Variants in MTMR10 observed in about 807,000 individuals in gnomAD.
The protein encoded by MTMR10 is myotubularin related protein 10, also known as myotubularin-related protein 10.
Under a neutral mutation model 88.1 loss-of-function variants are expected in MTMR10, and 56 were observed. That is an observed-to-expected ratio of 0.64 (90% CI 0.51 to 0.79). The LOEUF is 0.79. Ranked by LOEUF, MTMR10 falls within the 30% of genes least tolerant of loss-of-function variation. The pLI is 0.00. For missense variants in MTMR10, 883 were observed against 924.7 expected, an observed-to-expected ratio of 0.95 and a Z score of 0.58; for synonymous variants, 380 against 340.9, an observed-to-expected ratio of 1.11 and a Z score of -1.26.
At chr15:30,927,340 T>A in the MTMR10 span, 1 of 985,540 alleles carries the variant, frequency 1.0e-6, no homozygotes, top group Non-Finnish European at 1.2e-6. Flanking sequence ...GGAAAGAGCA[T>A]GAAGTGTTCT....
chr15:30,932,656 C>CA, the MTMR10 span, among the ~76,000 whole-genome samples: 1 of 151,572 alleles, frequency 6.6e-6, no homozygotes. Context: ...TTGTGTCTTT[C>CA]AAGGAATTTG....
chr15:30,931,921 GA>G, the MTMR10 span, among the ~76,000 whole-genome samples: 10 of 147,468 alleles, frequency 6.8e-5, no homozygotes, highest in Admixed American at 6.7e-5. Context: ...AAGTTTCCAA[GA>G]AAAAAAAAAG....
At chr15:30,953,023 C>T (rs1229450572) in intron 11 of MTMR10, among the ~76,000 whole-genome samples, 1 of 152,164 alleles carries the variant, frequency 6.6e-6, no homozygotes, top group African/African-American at 2.4e-5. Flanking sequence ...CTCCTGACCT[C>T]AGGTGAGCCA....
chr15:30,958,599 T>C (rs547654476), intron 9 of MTMR10, among the ~76,000 whole-genome samples: 2 of 152,342 alleles, frequency 1.3e-5, no homozygotes, highest in African/African-American at 4.8e-5. Flanking sequence ...AAGTATGTTA[T>C]AGGAAATGCT....
At chr15:30,970,914 A>G (rs1162411737) in intron 5 of MTMR10, among the ~76,000 whole-genome samples, 1 of 152,186 alleles carries the variant, frequency 6.6e-6, no homozygotes, top group Non-Finnish European at 1.5e-5. Context: ...GGGGTGGCAG[A>G]ACTCGAACTA....
intron 10 of MTMR10, among the ~76,000 whole-genome samples, chr15:30,954,430 A>G (rs898351243): frequency 1.3e-5 from 2 of 152,174 alleles, no homozygotes; most frequent in South Asian, 4.1e-4. Context: ...TCAAAGTATA[A>G]CTGTATGTAT....
chr15:30,991,436 G>A lies in MTMR10; in HGVS notation c.60+11C>T, dbSNP rs528911117. The A allele has an allele frequency of 3.4e-6, 5 of 1,487,622 alleles. No individual in the cohort carries two copies. The South Asian group carries it at 5.4e-5, about 16-fold the overall frequency. 92.2% of individuals were successfully genotyped at this position (1,487,622 alleles called of 1,614,324 possible). A position where few individuals can be genotyped will look rare whatever the true frequency, so the allele number is the denominator to read the frequency against. ...AGGAGAGTCGGGCGCTCGCGGGGAG[G>A]GGTTGTTTACCTGGGGCGGTGGCAG... is the stretch of plus-strand genomic sequence containing the variant. On this transcript the variant is annotated intron_variant, in intron 1 of 15. Transcript: ENST00000435680.
At chr15:30,959,343 G>C (rs1004789736) in intron 7 of MTMR10, among the ~76,000 whole-genome samples, 1 of 152,174 alleles carries the variant, frequency 6.6e-6, no homozygotes, top group Non-Finnish European at 1.5e-5. Flanking sequence ...TATAGCATGA[G>C]AAAATTCCAA....
At chr15:30,989,006 AT>A (rs751994135) in intron 2 of MTMR10, among the ~76,000 whole-genome samples, 1 of 150,790 alleles carries the variant, frequency 6.6e-6, no homozygotes, top group Non-Finnish European at 1.5e-5. Flanking sequence ...AAAAAAAAAA[AT>A]TTAAAAAAAA....
rs549980104 is a variant in MTMR10 at position 30,947,279 on chromosome 15, A to G, written c.1399T>C (p.Leu467=). ...EKESPLFLLF[L]DATWQLLEQY... ...TCTAACAGCTGCCAGGTGGCATCCA[A>G]GAATAGCAAAAATAAAGGAGACTGG... The change falls in exon 14 of 16, where the codon TTG becomes CTG. Residue 467 remains leucine, a synonymous_variant. Transcript: ENST00000435680. The G allele has an allele frequency of 7.9e-5, 127 of 1,613,514 alleles. 1 individual carries two copies. In the South Asian group the frequency reaches 1.2e-3, roughly 16 times the overall value.
chr15:30,987,003 ACT>A (rs2030980729), intron 2 of MTMR10, among the ~76,000 whole-genome samples: 2 of 152,216 alleles, frequency 1.3e-5, no homozygotes, highest in Non-Finnish European at 2.9e-5. Context: ...TAAAAGTCAA[ACT>A]CAGTTTTCAA....
At chr15:30,968,636 C>T (rs2063501499) in intron 5 of MTMR10, among the ~76,000 whole-genome samples, 1 of 151,636 alleles carries the variant, frequency 6.6e-6, no homozygotes, top group Non-Finnish European at 1.5e-5. Flanking sequence ...AACGTGCGGG[C>T]TTTAGAATCA....
chr15:30,930,763 C>T, the MTMR10 span: 1 of 1,482,704 alleles, frequency 6.7e-7, no homozygotes, highest in South Asian at 1.2e-5. Flanking sequence ...TGGCTGTTGG[C>T]AAGATTGAAT....
At chr15:30,928,141 C>T in the MTMR10 span, 3 of 1,011,870 alleles carry the variant, frequency 3.0e-6, no homozygotes, top group South Asian at 4.0e-5. Flanking sequence ...TCAGGGGTGG[C>T]CCAGGGACCT....
At chr15:30,976,414 A>C (rs2030155899) in intron 3 of MTMR10, among the ~76,000 whole-genome samples, 1 of 152,174 alleles carries the variant, frequency 6.6e-6, no homozygotes, top group Non-Finnish European at 1.5e-5. Context: ...CAGGCTCAAA[A>C]CAAAAAAATC....
chr15:30,937,979 A>T (rs1158766313), downstream of MTMR10, among the ~76,000 whole-genome samples: 3 of 151,682 alleles, frequency 2.0e-5, no homozygotes, highest in East Asian at 5.9e-4. Context: ...AGGTCAAGAG[A>T]TCGAGACCAT....
chr15:30,954,899 A>G lies in MTMR10; in HGVS notation c.936-6T>C, dbSNP rs2063300299. 6.5e-7 allele frequency: 1 copy of G among 1,539,154 alleles called. No homozygotes were observed. The highest frequency in any genetic ancestry group is 8.8e-7 in the Non-Finnish European group (1 of 1,140,576). On this transcript the variant is annotated splice_region_variant and splice_polypyrimidine_tract_variant and intron_variant, in intron 9 of 15. Transcript: ENST00000435680. The stretch of plus-strand genomic sequence containing the variant: ...TAGTTATTGCATTACAAATCCTAAT[A>G]AAGACAAAAATACTTTAGTCATTAC...
At chr15:30,929,694 AATAT>A in the MTMR10 span, among the ~76,000 whole-genome samples, 1 of 59,840 alleles carries the variant, frequency 1.7e-5, no homozygotes, top group Non-Finnish European at 3.6e-5. Flanking sequence ...ATATATATAA[AATAT>A]ATATTATATC....
intron 3 of MTMR10, among the ~76,000 whole-genome samples, 175 bp downstream of exon 3, chr15:30,976,644 G>A (rs1056935098): frequency 6.6e-6 from 1 of 152,162 alleles, no homozygotes; most frequent in Admixed American, 6.5e-5. Context: ...TACTCCTCTA[G>A]CAAGTTCCAA....
Sources: gnomAD v4.1 joint callset for allele counts (sites outside exome capture counted in the v4.1 genomes callset) on GRCh38, gnomAD v4.1.1 for gene constraint, MANE v1.5 for transcripts, NCBI Gene and HGNC (gene_info 2026-07-23, HGNC 2026-07-21) for gene names.